RBFOX1: variants seen among roughly 807,000 people sequenced by gnomAD.
The protein encoded by RBFOX1 is RNA binding fox-1 homolog 1, also known as RNA binding protein fox-1 homolog 1.
In RBFOX1, 8 loss-of-function variants were observed where a neutral mutation model predicts 57.7. That is an observed-to-expected ratio of 0.14 (90% CI 0.08 to 0.25). RBFOX1 has a LOEUF of 0.25. RBFOX1 is among the 10% of genes least tolerant of loss of function. The pLI is 1.00. For synonymous variants in RBFOX1, 326 were observed against 222.4 expected (o/e 1.47, Z -4.15); for missense variants, 611 against 548.5 (o/e 1.11, Z -1.14).
At chr16:6,522,001 T>G (rs1288205034) in intron 2 of RBFOX1, among the ~76,000 whole-genome samples, 1 of 152,186 alleles carries the variant, frequency 6.6e-6, no homozygotes, top group Non-Finnish European at 1.5e-5. Flanking sequence ...ATCGACCAGC[T>G]TCTACAAAGC....
chr16:5,874,136 G>C (rs1325061658), intron 4 of RBFOX1, among the ~76,000 whole-genome samples: 1 of 152,208 alleles, frequency 6.6e-6, no homozygotes, highest in Non-Finnish European at 1.5e-5. Context: ...ACTGAGTTTG[G>C]CAGTCGTGCC....
intron 1 of RBFOX1, among the ~76,000 whole-genome samples, chr16:6,052,433 G>C (rs1364640180): frequency 6.6e-6 from 1 of 152,116 alleles, no homozygotes; most frequent in African/African-American, 2.4e-5. Flanking sequence ...CGCACAGTTT[G>C]CTTAGTCAAC....
chr16:6,316,966 C>T, intron 1 of RBFOX1, 29 bp from the exon 2 acceptor site: 1 of 1,526,624 alleles, frequency 6.6e-7, no homozygotes, highest in South Asian at 1.2e-5. Flanking sequence ...TTTCTTGATA[C>T]TAAAGTCATT....
intron 3 of RBFOX1, among the ~76,000 whole-genome samples, chr16:5,653,970 T>G (rs1411690081): frequency 6.6e-6 from 1 of 152,214 alleles, no homozygotes; most frequent in Non-Finnish European, 1.5e-5. Context: ...AGATCCCATC[T>G]GGTCGGCCAC....
At chr16:6,401,672 A>G (rs1011055954) in intron 2 of RBFOX1, among the ~76,000 whole-genome samples, 1 of 152,294 alleles carries the variant, frequency 6.6e-6, no homozygotes, top group African/African-American at 2.4e-5. Context: ...GGAAGCCACT[A>G]TTGCTGTTCC....
intron 2 of RBFOX1, among the ~76,000 whole-genome samples, chr16:5,584,198 A>C (rs1270160094): frequency 6.6e-6 from 1 of 152,206 alleles, no homozygotes; most frequent in Non-Finnish European, 1.5e-5. Context: ...ATGTTCAGGA[A>C]GTATTTATTT....
chr16:6,229,723 A>G (rs943707549), intron 1 of RBFOX1, among the ~76,000 whole-genome samples: 2 of 151,234 alleles, frequency 1.3e-5, no homozygotes, highest in Admixed American at 6.6e-5. Context: ...AAAAAAAAAT[A>G]AGATTTTCTT....
intron 1 of RBFOX1, among the ~76,000 whole-genome samples, chr16:6,158,375 G>C (rs1000981564): frequency 1.3e-5 from 2 of 152,192 alleles, no homozygotes; most frequent in African/African-American, 4.8e-5. Flanking sequence ...CAGCTTGTTA[G>C]TCAATAGTGA....
At chr16:7,642,178 C>T (rs375823440) in intron 11 of RBFOX1, among the ~76,000 whole-genome samples, 1 of 152,148 alleles carries the variant, frequency 6.6e-6, no homozygotes, top group Non-Finnish European at 1.5e-5. Context: ...TGGTGGACCA[C>T]TCCTGGATGG....
chr16:7,641,619 T>G (rs2062810041), intron 11 of RBFOX1, among the ~76,000 whole-genome samples: 1 of 152,228 alleles, frequency 6.6e-6, no homozygotes, highest in African/African-American at 2.4e-5. Flanking sequence ...CCTTACTATT[T>G]GCTACAGGAG....
At chr16:5,242,135 A>C (rs2062183831) in intron 1 of RBFOX1, among the ~76,000 whole-genome samples, 1 of 152,002 alleles carries the variant, frequency 6.6e-6, no homozygotes, top group Admixed American at 6.6e-5. Context: ...AGAGAGAGAG[A>C]GACAGACAGA....
chr16:5,628,486 A>C (rs145883917), intron 3 of RBFOX1, among the ~76,000 whole-genome samples: 1 of 152,304 alleles, frequency 6.6e-6, no homozygotes, highest in East Asian at 1.9e-4. Context: ...TTAGGTTTCT[A>C]GGATCTGGGT....
chr16:5,601,629 A>G (rs1288129944), downstream of RBFOX1: 2 of 152,212 alleles, frequency 1.3e-5, no homozygotes, highest in Non-Finnish European at 2.9e-5. Flanking sequence ...TATGTCTTGC[A>G]GTTCCACCCA....
chr16:7,155,531 G>A (rs953663794), intron 4 of RBFOX1, among the ~76,000 whole-genome samples: 1 of 151,038 alleles, frequency 6.6e-6, no homozygotes, highest in Non-Finnish European at 1.5e-5. Flanking sequence ...GGGAGTTGTA[G>A]GTTGCCATGA....
chr16:7,528,134 A>G (rs913865957), intron 5 of RBFOX1, among the ~76,000 whole-genome samples: 4 of 152,224 alleles, frequency 2.6e-5, no homozygotes, highest in African/African-American at 9.6e-5. Context: ...TGCTTTTGCT[A>G]AATGAGGAAT....
chr16:7,093,197 C>T (rs1052157933), intron 4 of RBFOX1, among the ~76,000 whole-genome samples: 1 of 152,196 alleles, frequency 6.6e-6, no homozygotes, highest in Non-Finnish European at 1.5e-5. Flanking sequence ...CCATACTGGT[C>T]ACCGTGTATC....
At chr16:5,450,830 G>C (rs1436860341) in intron 1 of RBFOX1, among the ~76,000 whole-genome samples, 1 of 152,166 alleles carries the variant, frequency 6.6e-6, no homozygotes, top group African/African-American at 2.4e-5. Flanking sequence ...GTGTGCACCA[G>C]ATGCACACAG....
chr16:6,907,856 G>A (rs1193620104), intron 3 of RBFOX1, among the ~76,000 whole-genome samples: 3 of 151,864 alleles, frequency 2.0e-5, no homozygotes, highest in African/African-American at 7.2e-5. Flanking sequence ...TTACAGGCAT[G>A]AGCCCCCATG....
At chr16:6,720,802 T>A (rs921651688) in intron 3 of RBFOX1, among the ~76,000 whole-genome samples, 1 of 152,194 alleles carries the variant, frequency 6.6e-6, no homozygotes, top group African/African-American at 2.4e-5. Flanking sequence ...TAGGTACTTC[T>A]GAAGGATTAA....
Sources: gnomAD v4.1 joint callset for allele counts (sites outside exome capture counted in the v4.1 genomes callset) on GRCh38, gnomAD v4.1.1 for gene constraint, MANE v1.5 for transcripts, NCBI Gene and HGNC (gene_info 2026-07-23, HGNC 2026-07-21) for gene names.